The following SPMIP3 variants were observed in gnomAD, a reference collection of about 807,000 sequenced individuals.
SPMIP3 encodes protein SPMIP3.
At chr1:244,371,007 T>A in the SPMIP3 span, among the ~76,000 whole-genome samples, 1 of 152,170 alleles carries the variant, frequency 6.6e-6, no homozygotes, top group Non-Finnish European at 1.5e-5. Flanking sequence ...GAGAAGAGCG[T>A]GGTCACAGGA....
At chr1:244,353,208 C>T in the SPMIP3 span, among the ~76,000 whole-genome samples, 1 of 152,154 alleles carries the variant, frequency 6.6e-6, no homozygotes, top group African/African-American at 2.4e-5. Flanking sequence ...TCCCCAACAT[C>T]TAGGAGCTCA....
the SPMIP3 span, among the ~76,000 whole-genome samples, chr1:244,362,404 C>T: frequency 6.6e-6 from 1 of 152,198 alleles, no homozygotes; most frequent in African/African-American, 2.4e-5. Context: ...AGTTACTTAA[C>T]TTCTTAGTAC....
chr1:244,362,390 T>A, the SPMIP3 span, among the ~76,000 whole-genome samples: 1 of 152,244 alleles, frequency 6.6e-6, no homozygotes, highest in Non-Finnish European at 1.5e-5. Flanking sequence ...GGTAACCTCA[T>A]ACAAGTTACT....
chr1:244,389,390 G>A, the SPMIP3 span: 2 of 164,114 alleles, frequency 1.2e-5, no homozygotes, highest in Non-Finnish European at 2.7e-5. Context: ...ATCGCTGTTG[G>A]GAAAAATAAA....
At chr1:244,366,651 G>A in the SPMIP3 span, among the ~76,000 whole-genome samples, 53 of 152,268 alleles carry the variant, frequency 3.5e-4, no homozygotes, top group Middle Eastern at 6.8e-3. Context: ...AGGCCAAGGC[G>A]GGTGGATCAC....
the SPMIP3 span, among the ~76,000 whole-genome samples, chr1:244,379,908 C>T: frequency 4.0e-5 from 6 of 150,312 alleles, no homozygotes; most frequent in African/African-American, 9.8e-5. Flanking sequence ...GCGGAGGTTG[C>T]GGTGAGCCGA....
At chr1:244,386,903 T>G in the SPMIP3 span, among the ~76,000 whole-genome samples, 1 of 152,234 alleles carries the variant, frequency 6.6e-6, no homozygotes, top group African/African-American at 2.4e-5. Context: ...CTATGTATAC[T>G]TGGGCAAATT....
the SPMIP3 span, among the ~76,000 whole-genome samples, chr1:244,376,225 AC>A: frequency 1.3e-5 from 2 of 152,004 alleles, no homozygotes; most frequent in Non-Finnish European, 2.9e-5. Flanking sequence ...CTTTTTCTGA[AC>A]GTCAGGCACA....
chr1:244,364,587 A>G, the SPMIP3 span: 1 of 972,446 alleles, frequency 1.0e-6, no homozygotes, highest in Non-Finnish European at 1.6e-6. Flanking sequence ...AAATATTTTT[A>G]CTGATTTCTT....
At chr1:244,360,124 C>T in the SPMIP3 span, among the ~76,000 whole-genome samples, 1 of 151,872 alleles carries the variant, frequency 6.6e-6, no homozygotes, top group Non-Finnish European at 1.5e-5. Context: ...AAAAGTTCAA[C>T]ATTACTAATC....
chr1:244,357,462 C>G, the SPMIP3 span, among the ~76,000 whole-genome samples: 1 of 151,972 alleles, frequency 6.6e-6, no homozygotes, highest in African/African-American at 2.4e-5. Flanking sequence ...GTAATCCCAG[C>G]ACTTTGGGGG....
At chr1:244,378,165 C>T in the SPMIP3 span, among the ~76,000 whole-genome samples, 2 of 152,028 alleles carry the variant, frequency 1.3e-5, no homozygotes, top group East Asian at 1.9e-4. Context: ...GAAAGGGCAC[C>T]GGGGACCTCT....
the SPMIP3 span, among the ~76,000 whole-genome samples, chr1:244,354,859 C>G: frequency 6.6e-6 from 1 of 152,170 alleles, no homozygotes; most frequent in Non-Finnish European, 1.5e-5. Flanking sequence ...GTGCAGCCAC[C>G]TCAGCTGCCT....
At chr1:244,368,844 T>G in the SPMIP3 span, among the ~76,000 whole-genome samples, 2 of 152,098 alleles carry the variant, frequency 1.3e-5, no homozygotes, top group African/African-American at 4.8e-5. Flanking sequence ...CACTTAGTAG[T>G]GGCCACATAA....
At chr1:244,365,676 G>A in the SPMIP3 span, among the ~76,000 whole-genome samples, 7 of 152,136 alleles carry the variant, frequency 4.6e-5, no homozygotes, top group African/African-American at 1.7e-4. Context: ...CTCCACATTG[G>A]GTTTAGGGAA....
chr1:244,357,104 T>C, the SPMIP3 span, among the ~76,000 whole-genome samples: 1 of 151,814 alleles, frequency 6.6e-6, no homozygotes, highest in African/African-American at 2.4e-5. Context: ...GTATTTTTTG[T>C]AAAGATGGGG....
the SPMIP3 span, among the ~76,000 whole-genome samples, chr1:244,377,050 C>T: frequency 2.0e-4 from 31 of 152,148 alleles, no homozygotes; most frequent in East Asian, 3.1e-3. Flanking sequence ...TCAGGTGATC[C>T]GCCAACCTCG....
At chr1:244,364,327 G>C in the SPMIP3 span, among the ~76,000 whole-genome samples, 1 of 151,868 alleles carries the variant, frequency 6.6e-6, no homozygotes, top group Non-Finnish European at 1.5e-5. Context: ...GGATGGTCTC[G>C]ATCTCCTGAC....
the SPMIP3 span, chr1:244,375,627 A>AT: frequency 4.5e-5 from 22 of 493,902 alleles, no homozygotes; most frequent in East Asian, 2.1e-4. Context: ...CAAACTGTTA[A>AT]TGTTTTTTTT....
Sources: gnomAD v4.1 joint callset for allele counts (sites outside exome capture counted in the v4.1 genomes callset) on GRCh38, gnomAD v4.1.1 for gene constraint, MANE v1.5 for transcripts, NCBI Gene and HGNC (gene_info 2026-07-23, HGNC 2026-07-21) for gene names.